Variants in CEP72 observed in about 807,000 individuals in gnomAD.
CEP72 encodes the protein centrosomal protein of 72 kDa.
A neutral mutation model predicts 65.7 loss-of-function variants in CEP72; 78 were observed. The observed-to-expected ratio is 1.19, with a 90% CI of 0.99 to 1.43. The LOEUF is 1.43. Among genes scored for constraint, CEP72 ranks in the 40% most tolerant of loss-of-function variants. The pLI is 0.00. For missense variants in CEP72, 914 were observed against 832.9 expected (o/e 1.10, Z -1.20); for synonymous variants, 358 against 351.7 (o/e 1.02, Z -0.20).
intron 9 of CEP72, among the ~76,000 whole-genome samples, chr5:643,862 A>G (rs993643367): frequency 5.9e-5 from 9 of 152,242 alleles, no homozygotes; most frequent in African/African-American, 2.2e-4. Context: ...GAAAGGAGCC[A>G]GAACAGAAGG....
chr5:665,077 A>G (rs1180814474), intron 2 of CEP72: 1 of 1,599,868 alleles, frequency 6.3e-7, no homozygotes, highest in East Asian at 2.2e-5. Flanking sequence ...GGACACCGGC[A>G]GTGCCGCGAG....
rs1561048305 is a variant in CEP72, at chr5:637,777, A to G, written c.1165A>G (p.Thr389Ala). ...CTTGTCTCAGCCTGAGGCCTCGGAG[A>G]CTGAGGAGCAGAGGTCTCGGGGTGT... Reference protein sequence around the residue: ...RTLSQPEASETEEQRSRGVTD... With the variant: ...RTLSQPEASEAEEQRSRGVTD... The change falls in exon 7 of 12, where the codon ACT (threonine) becomes GCT (alanine). Residue 389 changes from threonine (T) to alanine (A), a missense_variant. Transcript: ENST00000264935. 3 of 1,603,370 alleles carry G rather than the reference A, an allele frequency of 1.9e-6. No individual in the cohort carries two copies. The highest frequency in any genetic ancestry group is 1.7e-4 in the Middle Eastern group (1 of 5,822).
downstream of CEP72, among the ~76,000 whole-genome samples, chr5:669,705 TC>T (rs1212191314): frequency 6.6e-6 from 1 of 151,878 alleles, no homozygotes; most frequent in Non-Finnish European, 1.5e-5. Context: ...GACATTCAGA[TC>T]CGGACACCTG....
rs904238263 is a variant in CEP72 at position 641,461 on chromosome 5, A to T, written c.1539+857A>T. On this transcript the variant is annotated intron_variant, in intron 9 of 11. Coordinates refer to ENST00000264935, the MANE Select transcript of CEP72 (RefSeq NM_018140.4). Reference sequence around the variant, plus strand: ...GCCTCTGAACTTGTCTGACAAGTACATACTGTCCGTTTCATGGGAACCAAC... The same window carrying T: ...GCCTCTGAACTTGTCTGACAAGTACTTACTGTCCGTTTCATGGGAACCAAC... 3 of 985,354 alleles carry T rather than the reference A, an allele frequency of 3.0e-6. No individual in the cohort carries two copies. The African/African-American group carries it at 5.2e-5, about 17-fold the overall frequency. 61.0% of individuals were successfully genotyped at this position (985,354 alleles called of 1,614,324 possible).
chr5:664,400 C>T, intron 2 of CEP72: 1 of 152,582 alleles, frequency 6.6e-6, no homozygotes, highest in Non-Finnish European at 1.5e-5. Context: ...CAGTCCAAGC[C>T]ACTGTGGTCA....
rs397696435 is a variant in CEP72 at position 612,690 on chromosome 5, G to GT, written c.82+247_82+248insT. 33 of 937,610 alleles carry GT rather than the reference G, an allele frequency of 3.5e-5. No individual in the cohort carries two copies. In the African/African-American group the frequency reaches 5.7e-4, roughly 16 times the overall value. 58.1% of individuals were successfully genotyped at this position (937,610 alleles called of 1,614,324 possible). ...GCCCCTGCCTGTCTATCGGGTCACTGGTTCCGTGACTGGGGGTTACATCCG... is the reference window on the plus strand; with the variant it reads ...GCCCCTGCCTGTCTATCGGGTCACTGTGTTCCGTGACTGGGGGTTACATCCG... On this transcript the variant is annotated intron_variant, in intron 1 of 11. Transcript: ENST00000264935.
At chr5:672,270 G>T in the CEP72 span, among the ~76,000 whole-genome samples, 1 of 152,138 alleles carries the variant, frequency 6.6e-6, no homozygotes, top group Non-Finnish European at 1.5e-5. Context: ...ACCCCAGGGA[G>T]CCTGGCCCTG....
chr5:635,619 T>A, intron 6 of CEP72, 35 bp downstream of exon 6: 5 of 1,483,498 alleles, frequency 3.4e-6, no homozygotes, highest in Non-Finnish European at 4.7e-6. Context: ...TTTCTGTTGC[T>A]GTAACAGAAA....
At position 641,736 on chromosome 5, in the gene CEP72, C is replaced by A. The variant is rs4956961; in HGVS notation, c.1539+1132C>A. 856 of 983,870 alleles carry A rather than the reference C, an allele frequency of 8.7e-4. 28 individuals are homozygous for A. The Admixed American group carries it at 0.046, about 52-fold the overall frequency. The allele number at this position is 983,870 out of a possible 1,614,324, so 60.9% of individuals were successfully genotyped here. ...CTGCATTTAAACACACATGGCCCCC[C>A]ATCCCCCATCCAGAAGCCTGTGCAT... is the stretch of plus-strand genomic sequence containing the variant. On this transcript the variant is annotated intron_variant, in intron 9 of 11. Coordinates refer to ENST00000264935, the MANE Select transcript of CEP72 (RefSeq NM_018140.4).
chr5:619,111 T>C lies in CEP72; in HGVS notation c.204T>C (p.Ser68=), dbSNP rs978549673. 3.1e-6 allele frequency: 5 copies of C among 1,610,876 alleles called. No homozygotes were observed. Among genetic ancestry groups the C allele is most frequent in the Admixed American group, 3.3e-5 (2 of 59,708 alleles). ...ATCTCTCGCGCAACTCCTTGGTTAGTCTGGAGGTAAGTTTTAGGTCTCTTT... is the reference window on the plus strand; with the variant it reads ...ATCTCTCGCGCAACTCCTTGGTTAGCCTGGAGGTAAGTTTTAGGTCTCTTT... ...SLDLSRNSLV[S]LEGIQYLTAL... is the part of the protein sequence containing the mutation. Residue 68 remains serine, a synonymous_variant, in exon 2 of 12, where the codon AGT becomes AGC. Transcript: ENST00000264935.
chr5:654,471 GTGCGTGTGGATTGTATCCCTGGGGAAA>G (rs1739317154), downstream of CEP72, among the ~76,000 whole-genome samples: 1 of 152,132 alleles, frequency 6.6e-6, no homozygotes, highest in South Asian at 2.1e-4. Context: ...GTGTGTGTGT[GTGCGTGTGGATTGTATCCCTGGGGAAA>G]TCAGAGGTGG....
At position 624,474 on chromosome 5, in the gene CEP72, A is replaced by T. The variant is rs1297113872; in HGVS notation, c.407A>T (p.Asp136Val). The change falls in exon 4 of 12, where the codon GAT becomes GTT. Residue 136 changes from aspartate (D) to valine (V), a missense_variant. Physicochemically the swap from Asp to Val is radical, Grantham distance 152. Transcript: ENST00000264935. This position sits in a 1 kb window ranked among gnomAD's most constrained non-coding sequence, Gnocchi z 4.7. Reference protein sequence around the residue: ...HLLPKLQQLDDRPVRASERKA... With the variant: ...HLLPKLQQLDVRPVRASERKA... ...CTTGTGTGGCCTTTTCTTCTAGACG[A>T]TCGCCCCGTGAGAGCAAGCGAGCGG... is the stretch of plus-strand genomic sequence containing the variant. The T allele has an allele frequency of 1.2e-6, 2 of 1,613,662 alleles. No homozygotes were observed. Among genetic ancestry groups the T allele is most frequent in the Non-Finnish European group, 1.7e-6 (2 of 1,179,562 alleles).
At chr5:615,623 C>A (rs577132707) in intron 1 of CEP72, among the ~76,000 whole-genome samples, 4 of 152,270 alleles carry the variant, frequency 2.6e-5, no homozygotes, top group Admixed American at 2.6e-4. Flanking sequence ...TTTATTCACT[C>A]TGCTAATCTC....
intron 1 of CEP72, 46 bp downstream of exon 1, chr5:612,489 G>A: frequency 7.3e-7 from 1 of 1,376,914 alleles, no homozygotes; most frequent in Non-Finnish European, 9.4e-7. Flanking sequence ...GTGGCGGGGG[G>A]GTGGGTGCCG....
downstream of CEP72, chr5:661,097 G>A (rs1472767931): frequency 6.6e-6 from 1 of 152,358 alleles, no homozygotes; most frequent in Non-Finnish European, 1.5e-5. Flanking sequence ...AAATAAATAA[G>A]CACTCTGGCG....
At position 645,671 on chromosome 5, in the gene CEP72, C is replaced by T. The variant is rs1430526749; in HGVS notation, c.1666+1246C>T. 2.0e-5 allele frequency among the ~76,000 whole-genome samples: 3 copies of T among 152,220 alleles called. No individual in the cohort carries two copies. Among genetic ancestry groups the T allele is most frequent in the South Asian group, 2.1e-4 (1 of 4,834 alleles). ...ATGGCATCTGATCAGCACTGGTACC[C>T]GCTCCACGCCCTGAGCTGCTGGGAT... On this transcript the variant is annotated intron_variant, in intron 10 of 11. Coordinates refer to ENST00000264935, the MANE Select transcript of CEP72 (RefSeq NM_018140.4). This position sits in a 1 kb window ranked among gnomAD's most constrained non-coding sequence, Gnocchi z 4.0.
intron 10 of CEP72, among the ~76,000 whole-genome samples, chr5:646,071 C>T (rs116263506): frequency 0.016 from 2,468 of 152,290 alleles, 30 homozygotes; most frequent in Admixed American, 0.024. Flanking sequence ...ACTGTGTGAG[C>T]GTCACTCTTG....
At chr5:651,649 A>T (rs1006562668) in intron 11 of CEP72, among the ~76,000 whole-genome samples, 2 of 151,994 alleles carry the variant, frequency 1.3e-5, no homozygotes, top group Non-Finnish European at 2.9e-5. Flanking sequence ...TTTGTCTTTT[A>T]AGAATTGTGT....
chr5:629,320 T>C (rs1196243783), intron 4 of CEP72, among the ~76,000 whole-genome samples: 2 of 152,290 alleles, frequency 1.3e-5, no homozygotes, highest in African/African-American at 4.8e-5. Flanking sequence ...TATCTCCTTG[T>C]GGATGTGCTA....
Sources: gnomAD v4.1 joint callset for allele counts (sites outside exome capture counted in the v4.1 genomes callset) on GRCh38, gnomAD v4.1.1 for gene constraint, Gnocchi (gnomAD v3.1) non-coding constraint, MANE v1.5 for transcripts, NCBI Gene and HGNC (gene_info 2026-07-23, HGNC 2026-07-21) for gene names.